Variants in TENM2 observed in about 807,000 individuals in gnomAD.
TENM2 encodes the protein teneurin-2.
Under a neutral mutation model 245.2 loss-of-function variants are expected in TENM2, and 52 were observed. The ratio of observed to expected loss-of-function variants is 0.21; its 90% CI spans 0.17 to 0.27. The LOEUF (loss-of-function observed/expected upper bound fraction) is 0.27, where lower values mean the gene tolerates loss of function less well. Among genes scored for constraint, TENM2 ranks in the 10% least tolerant of loss-of-function variants. The pLI, the probability that TENM2 is intolerant of heterozygous loss-of-function variation, is 1.00. For synonymous variants in TENM2, 1,363 were observed against 1,438.9 expected (o/e 0.95, Z 1.19); for missense variants, 3,046 against 3,666.8 (o/e 0.83, Z 4.37).
intron 2 of TENM2, among the ~76,000 whole-genome samples, chr5:167,856,559 C>T (rs909482183): frequency 9.9e-5 from 15 of 152,174 alleles, no homozygotes; most frequent in Non-Finnish European, 2.1e-4. Context: ...TCTCGATTTT[C>T]AGCTGGGAAC....
At chr5:167,840,201 G>T (rs1202387180) in intron 2 of TENM2, among the ~76,000 whole-genome samples, 1 of 152,214 alleles carries the variant, frequency 6.6e-6, no homozygotes, top group Non-Finnish European at 1.5e-5. Context: ...GTAATCATTT[G>T]ATCTGAGGGT....
the TENM2 span, among the ~76,000 whole-genome samples, chr5:167,212,162 T>G: frequency 6.6e-6 from 1 of 152,166 alleles, no homozygotes; most frequent in Non-Finnish European, 1.5e-5. Context: ...GAAATTACTC[T>G]TCAGGTGATG....
At chr5:167,564,873 G>T (rs1007819978) in intron 2 of TENM2, among the ~76,000 whole-genome samples, 1 of 152,300 alleles carries the variant, frequency 6.6e-6, no homozygotes, top group East Asian at 1.9e-4. Flanking sequence ...TTTGTTAATG[G>T]CCTATTGGCC....
At chr5:168,246,305 C>T (rs939678563) in intron 26 of TENM2, among the ~76,000 whole-genome samples, 5 of 152,060 alleles carry the variant, frequency 3.3e-5, no homozygotes, top group South Asian at 2.1e-4. Flanking sequence ...TTTCACACAG[C>T]TCCCCTGCTG....
chr5:167,066,522 C>T, the TENM2 span, among the ~76,000 whole-genome samples: 1 of 151,072 alleles, frequency 6.6e-6, no homozygotes, highest in Non-Finnish European at 1.5e-5. Flanking sequence ...CTAATGCTAT[C>T]CTTCCCCCCT....
chr5:167,872,334 G>T (rs1299439484), intron 2 of TENM2, among the ~76,000 whole-genome samples: 3 of 62,002 alleles, frequency 4.8e-5, no homozygotes, highest in African/African-American at 1.5e-4. Context: ...AAGAAAGAAA[G>T]AAAGAAAGAA....
chr5:167,865,499 C>G (rs1037681182), intron 2 of TENM2, among the ~76,000 whole-genome samples: 1 of 152,122 alleles, frequency 6.6e-6, no homozygotes, highest in Non-Finnish European at 1.5e-5. Context: ...GTTTCAAACT[C>G]CTAGACTCAA....
chr5:167,246,486 T>C, the TENM2 span, among the ~76,000 whole-genome samples: 1 of 152,100 alleles, frequency 6.6e-6, no homozygotes, highest in Non-Finnish European at 1.5e-5. Context: ...ATGTTATGTA[T>C]GTATTTACAT....
At chr5:167,346,519 G>A (rs1758465398) in intron 1 of TENM2, among the ~76,000 whole-genome samples, 1 of 152,130 alleles carries the variant, frequency 6.6e-6, no homozygotes. Context: ...CCACATATTG[G>A]TAAATAGGCA....
chr5:167,893,326 T>C (rs940607012), intron 3 of TENM2, among the ~76,000 whole-genome samples: 16 of 152,170 alleles, frequency 1.1e-4, no homozygotes, highest in African/African-American at 3.6e-4. Context: ...CAGTTCAAGG[T>C]TGGATGACAG....
chr5:167,044,785 G>T, the TENM2 span, among the ~76,000 whole-genome samples: 1 of 152,224 alleles, frequency 6.6e-6, no homozygotes, highest in African/African-American at 2.4e-5. Context: ...GTTCTGAAAA[G>T]GATCCATTTG....
At chr5:168,017,936 G>A (rs778524221) in intron 5 of TENM2, among the ~76,000 whole-genome samples, 5 of 151,976 alleles carry the variant, frequency 3.3e-5, no homozygotes, top group East Asian at 3.9e-4. Context: ...CTTCTGTTCC[G>A]TCCCCATCTT....
intron 2 of TENM2, among the ~76,000 whole-genome samples, chr5:167,819,782 T>G (rs1441714028): frequency 6.6e-6 from 1 of 152,144 alleles, no homozygotes; most frequent in African/African-American, 2.4e-5. Flanking sequence ...AGAGGAGACT[T>G]GAGGACAGAA....
intron 1 of TENM2, among the ~76,000 whole-genome samples, chr5:167,360,248 G>A (rs1294393705): frequency 2.6e-5 from 4 of 152,202 alleles, no homozygotes; most frequent in African/African-American, 9.6e-5. Flanking sequence ...TAAAAAAGGT[G>A]TCAGATACTT....
Position 167,900,135 on chromosome 5 carries a change from G to GAAAAAAA in TENM2, c.712+23940_712+23941insAAAAAAA, listed in dbSNP as rs1266899709. Reference sequence around the variant, plus strand: ...CTAAAAAAAAAAAAAAAAAAAAAAGGGGGGGGGGGTTTTGGAAAGGAAAGG... The same window carrying GAAAAAAA: ...CTAAAAAAAAAAAAAAAAAAAAAAGGAAAAAAAGGGGGGGGGTTTTGGAAAGGAAAGG... On this transcript the variant is annotated intron_variant, in intron 3 of 28. Transcript: ENST00000518659. Among the ~76,000 whole-genome samples, 18 of 77,938 alleles carry GAAAAAAA rather than the reference G, an allele frequency of 2.3e-4. 1 individual carries two copies. The highest frequency in any genetic ancestry group is 1.0e-3 in the African/African-American group (18 of 17,304). The allele number at this position is 77,938 out of a possible 152,430, so 51.1% of individuals were successfully genotyped here. A position where few individuals can be genotyped will look rare whatever the true frequency, so the allele number is the denominator to read the frequency against.
chr5:167,743,656 G>A (rs1053914887), intron 2 of TENM2, among the ~76,000 whole-genome samples: 3 of 152,066 alleles, frequency 2.0e-5, no homozygotes, highest in African/African-American at 7.2e-5. Context: ...AAAGAAAAAA[G>A]CTGTCATTTT....
intron 23 of TENM2, among the ~76,000 whole-genome samples, chr5:168,220,550 A>G (rs1222805106): frequency 2.0e-5 from 3 of 152,236 alleles, no homozygotes; most frequent in Non-Finnish European, 2.9e-5. Flanking sequence ...CATAATGTAG[A>G]TAAATCCAGT....
intron 1 of TENM2, among the ~76,000 whole-genome samples, chr5:167,299,941 G>A (rs1167239567): frequency 2.0e-5 from 3 of 152,212 alleles, no homozygotes; most frequent in Non-Finnish European, 1.5e-5. Flanking sequence ...TACGAGAAAT[G>A]TAGAGAGTGA....
the TENM2 span, among the ~76,000 whole-genome samples, chr5:167,030,721 G>A: frequency 6.6e-6 from 1 of 152,112 alleles, no homozygotes; most frequent in Admixed American, 6.5e-5. Flanking sequence ...GAAATGCTGG[G>A]TCCTACCAGC....
Sources: allele counts gnomAD v4.1 joint callset (sites outside exome capture counted in the v4.1 genomes callset), GRCh38; gene constraint gnomAD v4.1.1; transcripts MANE v1.5; gene names NCBI Gene and HGNC (gene_info 2026-07-23, HGNC 2026-07-21).